COL7A1: variants seen among roughly 807,000 people sequenced by gnomAD.
COL7A1 encodes the protein collagen type VII alpha 1 chain.
In COL7A1, 296 loss-of-function variants were observed where a neutral mutation model predicts 456.2. The observed-to-expected ratio is 0.65, with a 90% CI of 0.59 to 0.71. The LOEUF (loss-of-function observed/expected upper bound fraction) is 0.71. COL7A1 is among the 30% of genes least tolerant of loss of function. The pLI, the probability that COL7A1 is intolerant of heterozygous loss-of-function variation, is 0.00. For synonymous variants in COL7A1, 1,464 were observed against 1,525.9 expected, an observed-to-expected ratio of 0.96 and a Z score of 0.95; for missense variants, 3,441 against 4,017.2, an observed-to-expected ratio of 0.86 and a Z score of 3.88.
Position 48,579,796 on chromosome 3 carries a change from C to A in COL7A1, c.5143G>T (p.Ala1715Ser). Residue 1715 changes from alanine (A) to serine (S), a missense_variant, in exon 58 of 119, where the codon GCC (alanine) becomes TCC (serine). This residue lies in a region of COL7A1 where 2,084 missense variants were observed against 2,501.3 expected (regional missense o/e 0.83). Coordinates refer to ENST00000681320, the MANE Select transcript of COL7A1 (RefSeq NM_000094.4). This position sits in a 1 kb window ranked among gnomAD's most constrained non-coding sequence, Gnocchi z 4.4. ...PGRLVDTGPG[A>S]REKGEPGDRG... The stretch of plus-strand genomic sequence containing the variant: ...ACAGACCCTAATACCTTCTCTCTGG[C>A]TCCAGGTCCTGTGTCTACCTGTGGG... 6.2e-7 allele frequency: 1 copy of A among 1,614,060 alleles called. No individual in the cohort carries two copies. The highest frequency in any genetic ancestry group is 8.5e-7 in the Non-Finnish European group (1 of 1,180,012).
chr3:48,586,947 G>C lies in COL7A1; in HGVS notation c.3276+25C>G, dbSNP rs989472514. 6.4e-7 allele frequency: 1 copy of C among 1,574,096 alleles called. No individual in the cohort carries two copies. The highest frequency in any genetic ancestry group is 1.3e-5 in the African/African-American group (1 of 74,318). The stretch of plus-strand genomic sequence containing the variant: ...GGGTGGGGGGCCTCAGGGAGAGGTA[G>C]AATCTGGCTGCCCCAGGGCCAAACC... On this transcript the variant is annotated intron_variant, in intron 25 of 118. Coordinates refer to ENST00000681320, the MANE Select transcript of COL7A1 (RefSeq NM_000094.4). This position sits in a 1 kb window ranked among gnomAD's most constrained non-coding sequence, Gnocchi z 5.1.
chr3:48,592,808 C>A lies in COL7A1; in HGVS notation c.813G>T (p.Gly271=). The part of the protein sequence containing the change: ...GYKVQYTPLT[G]LGQPLPSERQ... ...GCTCACTCGGCAGTGGCTGTCCCAGCCCCGTCAGAGGAGTGTACTGGACCT... is the reference window on the plus strand; with the variant it reads ...GCTCACTCGGCAGTGGCTGTCCCAGACCCGTCAGAGGAGTGTACTGGACCT... Residue 271 remains glycine (G), a synonymous_variant, in exon 7 of 119, where the codon GGG becomes GGT. Coordinates refer to ENST00000681320, the MANE Select transcript of COL7A1 (RefSeq NM_000094.4). The surrounding 1 kb of genome is among the most constrained non-coding windows in gnomAD (Gnocchi z 7.6). 6.2e-7 allele frequency: 1 copy of A among 1,613,824 alleles called. No individual in the cohort carries two copies. The highest frequency in any genetic ancestry group is 1.1e-5 in the South Asian group (1 of 91,088).
At position 48,565,285 on chromosome 3, in the gene COL7A1, A is replaced by G; in HGVS notation, c.8528-84T>C. 6.7e-7 allele frequency: 1 copy of G among 1,501,138 alleles called. No homozygotes were observed. The highest frequency in any genetic ancestry group is 9.2e-7 in the Non-Finnish European group (1 of 1,091,532). 93.0% of individuals were successfully genotyped at this position (1,501,138 alleles called of 1,614,324 possible). On this transcript the variant is annotated intron_variant, in intron 116 of 118. Coordinates refer to ENST00000681320, the MANE Select transcript of COL7A1 (RefSeq NM_000094.4). The surrounding 1 kb of genome is among the most constrained non-coding windows in gnomAD (Gnocchi z 4.5). Reference sequence around the variant, plus strand: ...CAGCACTGATTTCCACTGTGTGCACACAGTGCCCATGCGTGTGCCCTGCAT... The same window carrying G: ...CAGCACTGATTTCCACTGTGTGCACGCAGTGCCCATGCGTGTGCCCTGCAT...
chr3:48,576,304 G>A lies in COL7A1; in HGVS notation c.5773-8C>T, dbSNP rs2107679713. 3 of 1,613,882 alleles carry A rather than the reference G, an allele frequency of 1.9e-6. No individual in the cohort carries two copies. Among genetic ancestry groups the A allele is most frequent in the Non-Finnish European group, 2.5e-6 (3 of 1,180,012 alleles). On this transcript the variant is annotated splice_region_variant and splice_polypyrimidine_tract_variant and intron_variant, in intron 70 of 118. Transcript: ENST00000681320. ...ACGCTCTCCAGGGAGGCCCTGGAGA[G>A]ATGAAGACAAACTGCTAGGAACCAG... is the stretch of plus-strand genomic sequence containing the variant.
At position 48,587,054 on chromosome 3, in the gene COL7A1, T is replaced by C. The variant is rs200159826; in HGVS notation, c.3194A>G (p.Asn1065Ser). ...CCTCGTAGCCTCCGCACGGTGAGCATTGTCTTGAGTGGCATGTGGTAGGAA... is the reference window on the plus strand; with the variant it reads ...CCTCGTAGCCTCCGCACGGTGAGCACTGTCTTGAGTGGCATGTGGTAGGAA... ...VVFLPHATQD[N>S]AHRAEATRRV... The change falls in exon 25 of 119, where the codon AAT (asparagine) becomes AGT (serine). Residue 1065 changes from asparagine (N) to serine (S), a missense_variant. By Grantham distance (46) the Asn-to-Ser change is conservative. Around this residue, in one of 3 missense-constraint regions of COL7A1, gnomAD observed 444 missense variants for 427.6 expected, o/e 1.04. Transcript: ENST00000681320. This position sits in a 1 kb window ranked among gnomAD's most constrained non-coding sequence, Gnocchi z 6.1. 2.0e-5 allele frequency: 32 copies of C among 1,610,012 alleles called. No homozygotes were observed. In the African/African-American group the frequency reaches 2.0e-4, roughly 10 times the overall value.
In COL7A1 at chr3:48,592,198, G is replaced by A. The variant is rs1266119766; in HGVS notation, c.1144C>T (p.Leu382=). 1.9e-6 allele frequency: 3 copies of A among 1,614,126 alleles called. No homozygotes were observed. Among genetic ancestry groups the A allele is most frequent in the Non-Finnish European group, 2.5e-6 (3 of 1,180,036 alleles). Residue 382 remains leucine, a synonymous_variant, in exon 10 of 119, where the codon CTG becomes TTG. Transcript: ENST00000681320. This position sits in a 1 kb window ranked among gnomAD's most constrained non-coding sequence, Gnocchi z 7.6. ...TCCGTGCCAGGCTCCAAGTCACGCA[G>A]CAACACTGAACCCTGCCCAGGGCCC... is the stretch of plus-strand genomic sequence containing the variant. The part of the protein sequence containing the change: ...ELGPGQGSVL[L]RDLEPGTDYE...
chr3:48,565,414 C>T lies in COL7A1; in HGVS notation c.8523G>A (p.Glu2841=). The change falls in exon 116 of 119, where the codon GAG becomes GAA. Residue 2841 remains glutamate (E), a synonymous_variant. Coordinates refer to ENST00000681320, the MANE Select transcript of COL7A1 (RefSeq NM_000094.4). This position sits in a 1 kb window ranked among gnomAD's most constrained non-coding sequence, Gnocchi z 4.5. The part of the protein sequence containing the change: ...VPVLRVSHAE[E]EERVPPEDDE... ...CACGGGTTCAGCTGTCCTCACCTTC[C>T]TCCTCTGCATGAGAGACGCGGAGCA... 1 of 1,608,140 alleles carries T rather than the reference C, an allele frequency of 6.2e-7. No homozygotes were observed. Among genetic ancestry groups the T allele is most frequent in the Non-Finnish European group, 8.5e-7 (1 of 1,177,430 alleles).
In COL7A1 at chr3:48,587,917, G is replaced by C; in HGVS notation, c.2733C>G (p.Val911=). 6.2e-7 allele frequency: 1 copy of C among 1,600,958 alleles called. No individual in the cohort carries two copies. Among genetic ancestry groups the C allele is most frequent in the Non-Finnish European group, 8.5e-7 (1 of 1,174,232 alleles). ...GATAGCTGCTGAGCTCGGGCCCCAG[G>C]ACCCGGGACTGTTCCTGGCCACCTG... ...QPEGGQEQSR[V]LGPELSSYHL... Residue 911 remains valine (V), a synonymous_variant, in exon 22 of 119, where the codon GTC becomes GTG. Coordinates refer to ENST00000681320, the MANE Select transcript of COL7A1 (RefSeq NM_000094.4). The surrounding 1 kb of genome is among the most constrained non-coding windows in gnomAD (Gnocchi z 6.1).
At position 48,575,284 on chromosome 3, in the gene COL7A1, T is replaced by TTGCCCCCC; in HGVS notation, c.6181-43_6181-42insGGGGGGCA. ...GGGTGAGGGCCAAGCCCATGGGGGG[T>TTGCCCCCC]CCCACCCCTCCCAACCCCTCTTCCC... On this transcript the variant is annotated intron_variant, in intron 74 of 118. Transcript: ENST00000681320. This position sits in a 1 kb window ranked among gnomAD's most constrained non-coding sequence, Gnocchi z 6.3. The TTGCCCCCC allele has an allele frequency of 2.6e-6, 4 of 1,533,430 alleles. No homozygotes were observed. The highest frequency in any genetic ancestry group is 2.7e-6 in the Non-Finnish European group (3 of 1,110,800). The allele number at this position is 1,533,430 out of a possible 1,614,324, so 95.0% of individuals were successfully genotyped here.
At position 48,575,642 on chromosome 3, in the gene COL7A1, C is replaced by T; in HGVS notation, c.5963G>A (p.Gly1988Asp). ...RGPKGDSGEQGPPGKEGPIGF... is the reference protein window; with the variant it reads ...RGPKGDSGEQDPPGKEGPIGF... Reference sequence around the variant, plus strand: ...TCTGCTCACCTCCTTGCCTGGGGGGCCCTGTTCGCCTGAGTCCCCCTTGGG... The same window carrying T: ...TCTGCTCACCTCCTTGCCTGGGGGGTCCTGTTCGCCTGAGTCCCCCTTGGG... Residue 1988 changes from glycine to aspartate, a missense_variant, in exon 73 of 119, where the codon GGC (glycine) becomes GAC (aspartate). Around this residue, in one of 3 missense-constraint regions of COL7A1, gnomAD observed 2,084 missense variants for 2,501.3 expected, o/e 0.83. Coordinates refer to ENST00000681320, the MANE Select transcript of COL7A1 (RefSeq NM_000094.4). The surrounding 1 kb of genome is among the most constrained non-coding windows in gnomAD (Gnocchi z 6.3). 6.2e-7 allele frequency: 1 copy of T among 1,613,442 alleles called. No homozygotes were observed. The highest frequency in any genetic ancestry group is 8.5e-7 in the Non-Finnish European group (1 of 1,180,028).
At position 48,564,288 on chromosome 3, in the gene COL7A1, C is replaced by T. The variant is rs543322304; in HGVS notation, c.*118G>A. The T allele has an allele frequency of 1.4e-5, 17 of 1,244,686 alleles. No homozygotes were observed. Among genetic ancestry groups the T allele is most frequent in the South Asian group, 1.1e-4 (9 of 81,306 alleles). 77.1% of individuals were successfully genotyped at this position (1,244,686 alleles called of 1,614,324 possible). ...GGGACCAAGTCACTGAAATAACGGA[C>T]GTGCACACGCACGCTCACGTGCACA... On this transcript the variant is annotated 3_prime_UTR_variant, in exon 119 of 119. Coordinates refer to ENST00000681320, the MANE Select transcript of COL7A1 (RefSeq NM_000094.4). This position sits in a 1 kb window ranked among gnomAD's most constrained non-coding sequence, Gnocchi z 6.0.
chr3:48,567,521 T>A lies in COL7A1; in HGVS notation c.8046+53A>T, dbSNP rs1351053328. ...ACACCCCCATGACCCGACCATGAGC[T>A]TCCCTGCCCCATCCTGACTCCCTGT... On this transcript the variant is annotated intron_variant, in intron 109 of 118. Coordinates refer to ENST00000681320, the MANE Select transcript of COL7A1 (RefSeq NM_000094.4). The surrounding 1 kb of genome is among the most constrained non-coding windows in gnomAD (Gnocchi z 4.3). 1 of 1,611,536 alleles carries A rather than the reference T, an allele frequency of 6.2e-7. No individual in the cohort carries two copies. The highest frequency in any genetic ancestry group is 8.5e-7 in the Non-Finnish European group (1 of 1,177,932).
rs1045616067 is a variant in COL7A1, at chr3:48,593,988, T to A, written c.267-292A>T. On this transcript the variant is annotated intron_variant, in intron 3 of 118. Coordinates refer to ENST00000681320, the MANE Select transcript of COL7A1 (RefSeq NM_000094.4). This position sits in a 1 kb window ranked among gnomAD's most constrained non-coding sequence, Gnocchi z 4.4. Reference sequence around the variant, plus strand: ...AATTAAATAATTGCAGGAGGAGGGGTCCAGATGTAGGAAAGTGGATGCTGG... The same window carrying A: ...AATTAAATAATTGCAGGAGGAGGGGACCAGATGTAGGAAAGTGGATGCTGG... Among the ~76,000 whole-genome samples the A allele has an allele frequency of 6.6e-6, 1 of 151,992 alleles. No homozygotes were observed. The highest frequency in any genetic ancestry group is 2.4e-5 in the African/African-American group (1 of 41,346).
At position 48,581,026 on chromosome 3, in the gene COL7A1, G is replaced by C; in HGVS notation, c.4935+96C>G. ...GGGTCTGAGCAGCAGCTGGACAGGA[G>C]GCAGGGAGTGGATGGATGAACTGGT... On this transcript the variant is annotated intron_variant, in intron 53 of 118. Coordinates refer to ENST00000681320, the MANE Select transcript of COL7A1 (RefSeq NM_000094.4). The surrounding 1 kb of genome is among the most constrained non-coding windows in gnomAD (Gnocchi z 5.8). The C allele has an allele frequency of 6.3e-7, 1 of 1,599,436 alleles. No homozygotes were observed. The highest frequency in any genetic ancestry group is 8.6e-7 in the Non-Finnish European group (1 of 1,167,638).
At position 48,589,348 on chromosome 3, in the gene COL7A1, C is replaced by A. The variant is rs1398912552; in HGVS notation, c.2293G>T (p.Ala765Ser). Residue 765 changes from alanine to serine, a missense_variant, in exon 18 of 119, where the codon GCC (alanine) becomes TCC (serine). Ala to Ser is a moderately conservative substitution (Grantham distance 99, BLOSUM62 1). Transcript: ENST00000681320. ...TCACCAGTCCTCACAACCACAGAGG[C>A]AGGGGGCCCATCCACGCCAGCCACA... is the stretch of plus-strand genomic sequence containing the variant. Reference protein sequence around the residue: ...AHVAGVDGPPASVVVRTAPEP... With the variant: ...AHVAGVDGPPSSVVVRTAPEP... 1 of 1,612,156 alleles carries A rather than the reference C, an allele frequency of 6.2e-7. No homozygotes were observed. Among genetic ancestry groups the A allele is most frequent in the Non-Finnish European group, 8.5e-7 (1 of 1,179,944 alleles).
Position 48,570,682 on chromosome 3 carries a change from C to T in COL7A1, c.7301G>A (p.Gly2434Glu). ...RGLAGPPGRE[G>E]IPGPLGPPGP... The stretch of plus-strand genomic sequence containing the variant: ...AGGTGGCCCCAGGGGTCCTGGGATT[C>T]CTTCTCTCCCTGGGGGGCCTGCCAG... The change falls in exon 96 of 119, where the codon GGA (glycine) becomes GAA (glutamate). Residue 2434 changes from glycine to glutamate, a missense_variant. Coordinates refer to ENST00000681320, the MANE Select transcript of COL7A1 (RefSeq NM_000094.4). The surrounding 1 kb of genome is among the most constrained non-coding windows in gnomAD (Gnocchi z 5.5). 6.3e-7 allele frequency: 1 copy of T among 1,586,410 alleles called. No individual in the cohort carries two copies. Among genetic ancestry groups the T allele is most frequent in the Non-Finnish European group, 8.6e-7 (1 of 1,165,310 alleles).
In COL7A1 at chr3:48,568,880, T is replaced by C. The variant is rs747786855; in HGVS notation, c.7687-25A>G. 140 of 1,561,508 alleles carry C rather than the reference T, an allele frequency of 9.0e-5. No individual in the cohort carries two copies. In the Admixed American group the frequency reaches 2.6e-3, roughly 29 times the overall value. On this transcript the variant is annotated intron_variant, in intron 103 of 118. Coordinates refer to ENST00000681320, the MANE Select transcript of COL7A1 (RefSeq NM_000094.4). This position sits in a 1 kb window ranked among gnomAD's most constrained non-coding sequence, Gnocchi z 5.2. The stretch of plus-strand genomic sequence containing the variant: ...CCTGTGGGAGTGACCAGGAGAGGGA[T>C]TCAGTCAGGACCAGATCAGGCTGGG...
chr3:48,568,287 C>G lies in COL7A1; in HGVS notation c.7795-117G>C, dbSNP rs2043699629. On this transcript the variant is annotated intron_variant, in intron 105 of 118. Transcript: ENST00000681320. The surrounding 1 kb of genome is among the most constrained non-coding windows in gnomAD (Gnocchi z 5.2). ...TGGGAGTCACCTCTGGAGGCCAGAG[C>G]CACTGGGGCTTGCCATGGGGACAAG... 3.2e-6 allele frequency: 4 copies of G among 1,247,550 alleles called. No individual in the cohort carries two copies. The highest frequency in any genetic ancestry group is 1.5e-5 in the African/African-American group (1 of 67,834). 77.3% of individuals were successfully genotyped at this position (1,247,550 alleles called of 1,614,324 possible).
At position 48,579,033 on chromosome 3, in the gene COL7A1, G is replaced by T. The variant is rs1476858570; in HGVS notation, c.5389-79C>A. 1.3e-6 allele frequency: 2 copies of T among 1,583,994 alleles called. No individual in the cohort carries two copies. Among genetic ancestry groups the T allele is most frequent in the Admixed American group, 1.7e-5 (1 of 59,846 alleles). ...TCCCTGTGAGCCTAAGGCCTGCATG[G>T]CAAGAACATGCCCCACCCAGGCAGG... is the stretch of plus-strand genomic sequence containing the variant. On this transcript the variant is annotated intron_variant, in intron 62 of 118. Coordinates refer to ENST00000681320, the MANE Select transcript of COL7A1 (RefSeq NM_000094.4). The surrounding 1 kb of genome is among the most constrained non-coding windows in gnomAD (Gnocchi z 4.4).
Sources: gnomAD v4.1 joint callset for allele counts (sites outside exome capture counted in the v4.1 genomes callset) on GRCh38, gnomAD v4.1.1 for gene constraint, gnomAD v4.1.1 regional missense constraint, Gnocchi (gnomAD v3.1) non-coding constraint, MANE v1.5 for transcripts, NCBI Gene and HGNC (gene_info 2026-07-23, HGNC 2026-07-21) for gene names.